Variants in MCHR1 observed in about 807,000 individuals in gnomAD.
MCHR1 encodes melanin concentrating hormone receptor 1.
In MCHR1, 13 loss-of-function variants were observed where a neutral mutation model predicts 20.4. The observed-to-expected ratio is 0.64, with a 90% CI of 0.41 to 1.01. The LOEUF is 1.01. MCHR1 is among the 50% of genes least tolerant of loss of function. MCHR1 has a pLI of 0.00. For missense variants in MCHR1, 472 were observed against 477.0 expected (o/e 0.99, Z 0.10); for synonymous variants, 215 against 204.4 (o/e 1.05, Z -0.44).
chr22:40,679,850 G>A (rs2056870266), intron 1 of MCHR1, 116 bp downstream of exon 1: 1 of 1,224,876 alleles, frequency 8.2e-7, no homozygotes, highest in South Asian at 1.2e-5. Context: ...CAAGATCTGT[G>A]GTCTGCTTTG....
chr22:40,681,456 G>A lies in MCHR1; in HGVS notation c.590G>A (p.Arg197His), dbSNP rs200735876. 2.6e-5 allele frequency: 42 copies of A among 1,613,134 alleles called. No individual in the cohort carries two copies. Among genetic ancestry groups the A allele is most frequent in the Admixed American group, 8.3e-5 (5 of 60,002 alleles). Residue 197 changes from arginine (R) to histidine (H), a missense_variant, in exon 2 of 2, where the codon CGC becomes CAC. Arg to His is a conservative substitution (Grantham distance 29). Transcript: ENST00000249016. The surrounding 1 kb of genome is among the most constrained non-coding windows in gnomAD (Gnocchi z 4.3). ...FPGGAVGCGI[R>H]LPNPDTDLYW... ...GGAGGTGCAGTGGGCTGCGGCATACGCCTGCCCAACCCAGACACTGACCTC... is the reference window on the plus strand; with the variant it reads ...GGAGGTGCAGTGGGCTGCGGCATACACCTGCCCAACCCAGACACTGACCTC...
rs748382761 is a variant in MCHR1, at chr22:40,680,572, G to GCA, written c.83-358_83-357dup. 5.8e-3 allele frequency among the ~76,000 whole-genome samples: 659 copies of GCA among 112,908 alleles called. 1 individual carries two copies. The highest frequency in any genetic ancestry group is 0.011 in the African/African-American group (407 of 38,236). 74.1% of individuals were successfully genotyped at this position (112,908 alleles called of 152,430 possible). ...TCAGGGCTACACATAGGAAAAGCACGCACACACACACACACACACATACAC... is the reference window on the plus strand; with the variant it reads ...TCAGGGCTACACATAGGAAAAGCACGCACACACACACACACACACACATACAC... On this transcript the variant is annotated intron_variant, in intron 1 of 1. Transcript: ENST00000249016.
Position 40,682,229 on chromosome 22 carries a change from G to A in MCHR1, c.*301G>A. On this transcript the variant is annotated 3_prime_UTR_variant, in exon 2 of 2. Transcript: ENST00000249016. ...ATAACCGGTTGCACTATATCTGTGAGCTCTCAAATGTCTTCTTCCCAAGGC... is the reference window on the plus strand; with the variant it reads ...ATAACCGGTTGCACTATATCTGTGAACTCTCAAATGTCTTCTTCCCAAGGC... The A allele has an allele frequency of 2.3e-6, 1 of 438,940 alleles. No individual in the cohort carries two copies. The highest frequency in any genetic ancestry group is 2.2e-5 in the South Asian group (1 of 45,270). 27.2% of individuals were successfully genotyped at this position (438,940 alleles called of 1,614,324 possible).
At position 40,682,529 on chromosome 22, in the gene MCHR1, A is replaced by G. The variant is rs9611386; in HGVS notation, c.*601A>G. 15,264 of 158,318 alleles carry G rather than the reference A, an allele frequency of 0.096. 1,091 individuals carry two copies. Among genetic ancestry groups the G allele is most frequent in the African/African-American group, 0.2 (8,200 of 41,486 alleles). 9.8% of individuals were successfully genotyped at this position (158,318 alleles called of 1,614,324 possible). ...GGGGATGTGGCACTGAGCCCACAGG[A>G]GTAAAAGCCCAGTTTGCTAGGAGGT... On this transcript the variant is annotated 3_prime_UTR_variant, in exon 2 of 2. Transcript: ENST00000249016.
In MCHR1 at chr22:40,682,186, G is replaced by A. The variant is rs1046827999; in HGVS notation, c.*258G>A. ...TTTGGATAGAACAGAAGCTGAGCAA[G>A]AGAACATGTTGGTTTGGATAACCGG... On this transcript the variant is annotated 3_prime_UTR_variant, in exon 2 of 2. Coordinates refer to ENST00000249016, the MANE Select transcript of MCHR1 (RefSeq NM_005297.4). 1.8e-6 allele frequency: 1 copy of A among 549,504 alleles called. No individual in the cohort carries two copies. The highest frequency in any genetic ancestry group is 1.9e-5 in the African/African-American group (1 of 52,944). The allele number at this position is 549,504 out of a possible 1,614,324, so 34.0% of individuals were successfully genotyped here.
At chr22:40,679,835 GGGGA>G in intron 1 of MCHR1, 101 bp downstream of exon 1, 2 of 1,343,224 alleles carry the variant, frequency 1.5e-6, no homozygotes, top group Non-Finnish European at 2.1e-6. Context: ...CACAGTTCTT[GGGGA>G]CAAGATCTGT....
rs137903389 is a variant in MCHR1 at position 40,681,544 on chromosome 22, C to T, written c.678C>T (p.Ala226=). The change falls in exon 2 of 2, where the codon GCC becomes GCT. Residue 226 remains alanine (A), a synonymous_variant. Coordinates refer to ENST00000249016, the MANE Select transcript of MCHR1 (RefSeq NM_005297.4). This position sits in a 1 kb window ranked among gnomAD's most constrained non-coding sequence, Gnocchi z 4.3. The part of the protein sequence containing the change: ...AFALPFVVIT[A]AYVRILQRMT... ...CCCTGCCTTTTGTGGTCATCACAGC[C>T]GCATACGTGAGGATCCTGCAGCGCA... The T allele has an allele frequency of 1.1e-3, 1,745 of 1,612,982 alleles. 14 individuals carry two copies. In the African/African-American group the frequency reaches 0.013, roughly 12 times the overall value.
Position 40,681,132 on chromosome 22 carries a change from A to T in MCHR1, c.266A>T (p.Asp89Val), listed in dbSNP as rs1172615289. 1.2e-6 allele frequency: 2 copies of T among 1,613,218 alleles called. No homozygotes were observed. The highest frequency in any genetic ancestry group is 3.3e-5 in the Admixed American group (2 of 59,932). Residue 89 changes from aspartate (D) to valine (V), a missense_variant, in exon 2 of 2, where the codon GAT (aspartate) becomes GTT (valine). Coordinates refer to ENST00000249016, the MANE Select transcript of MCHR1 (RefSeq NM_005297.4). The surrounding 1 kb of genome is among the most constrained non-coding windows in gnomAD (Gnocchi z 4.3). ...DIFIINLSVVDLLFLLGMPFM... is the reference protein window; with the variant it reads ...DIFIINLSVVVLLFLLGMPFM... ...TTCATCATCAACCTCTCGGTAGTAG[A>T]TCTCCTCTTTCTCCTGGGCATGCCC...
Position 40,681,995 on chromosome 22 carries a change from G to A in MCHR1, c.*67G>A. The A allele has an allele frequency of 6.3e-7, 1 of 1,592,160 alleles. No homozygotes were observed. Among genetic ancestry groups the A allele is most frequent in the South Asian group, 1.1e-5 (1 of 90,236 alleles). Reference sequence around the variant, plus strand: ...ACAACACGCCACCGGGAGAGATGCTGAGAAAAACCCAAGACCGCTCGGGAA... The same window carrying A: ...ACAACACGCCACCGGGAGAGATGCTAAGAAAAACCCAAGACCGCTCGGGAA... On this transcript the variant is annotated 3_prime_UTR_variant, in exon 2 of 2. Coordinates refer to ENST00000249016, the MANE Select transcript of MCHR1 (RefSeq NM_005297.4). This position sits in a 1 kb window ranked among gnomAD's most constrained non-coding sequence, Gnocchi z 4.3.
At position 40,681,891 on chromosome 22, in the gene MCHR1, C is replaced by A. The variant is rs149604804; in HGVS notation, c.1025C>A (p.Thr342Lys). The change falls in exon 2 of 2, where the codon ACG (threonine) becomes AAG (lysine). Residue 342 changes from threonine (T) to lysine (K), a missense_variant. Thr to Lys is a moderately conservative substitution (Grantham distance 78). Transcript: ENST00000249016. The surrounding 1 kb of genome is among the most constrained non-coding windows in gnomAD (Gnocchi z 4.3). The part of the protein sequence containing the change: ...GQLRAVSNAQ[T>K]ADEERTESKG... ...CTTCGCGCTGTCAGCAACGCTCAGA[C>A]GGCTGACGAGGAGAGGACAGAAAGC... 5 of 1,612,220 alleles carry A rather than the reference C, an allele frequency of 3.1e-6. No homozygotes were observed. The highest frequency in any genetic ancestry group is 4.2e-6 in the Non-Finnish European group (5 of 1,180,032).
In MCHR1 at chr22:40,681,215, A is replaced by G. The variant is rs1569374269; in HGVS notation, c.349A>G (p.Thr117Ala). The change falls in exon 2 of 2, where the codon ACC (threonine) becomes GCC (alanine). Residue 117 changes from threonine to alanine, a missense_variant. Coordinates refer to ENST00000249016, the MANE Select transcript of MCHR1 (RefSeq NM_005297.4). This position sits in a 1 kb window ranked among gnomAD's most constrained non-coding sequence, Gnocchi z 4.3. ...GTGGCACTTTGGGGAGACCATGTGC[A>G]CCCTCATCACGGCCATGGATGCCAA... ...GVWHFGETMC[T>A]LITAMDANSQ... 6.2e-7 allele frequency: 1 copy of G among 1,614,036 alleles called. No homozygotes were observed. The highest frequency in any genetic ancestry group is 8.5e-7 in the Non-Finnish European group (1 of 1,180,010).
rs2056885641 is a variant in MCHR1 at position 40,682,290 on chromosome 22, G to T, written c.*362G>T. ...AGGGTACTGACTGGGTTTGTTTAAAGTCAGGCAGGGCTGGAGTGAGCAGCC... is the reference window on the plus strand; with the variant it reads ...AGGGTACTGACTGGGTTTGTTTAAATTCAGGCAGGGCTGGAGTGAGCAGCC... On this transcript the variant is annotated 3_prime_UTR_variant, in exon 2 of 2. Coordinates refer to ENST00000249016, the MANE Select transcript of MCHR1 (RefSeq NM_005297.4). 3.0e-6 allele frequency: 1 copy of T among 330,354 alleles called. No individual in the cohort carries two copies. The highest frequency in any genetic ancestry group is 5.9e-6 in the Non-Finnish European group (1 of 169,072). The allele number at this position is 330,354 out of a possible 1,614,324, so 20.5% of individuals were successfully genotyped here. A position where few individuals can be genotyped will look rare whatever the true frequency, so the allele number is the denominator to read the frequency against.
Position 40,679,640 on chromosome 22 carries a change from C to A in MCHR1, c.-13C>A. The A allele has an allele frequency of 6.2e-7, 1 of 1,614,082 alleles. No individual in the cohort carries two copies. The highest frequency in any genetic ancestry group is 8.5e-7 in the Non-Finnish European group (1 of 1,180,012). On this transcript the variant is annotated 5_prime_UTR_variant, in exon 1 of 2. Transcript: ENST00000249016. ...CAGCTCGGTTGTGGGAGCAGGCGAC[C>A]GGCACTGGCTGGATGGACCTGGAAG...
intron 1 of MCHR1, among the ~76,000 whole-genome samples, chr22:40,680,589 C>T (rs986129738): frequency 8.5e-6 from 1 of 117,562 alleles, no homozygotes; most frequent in Non-Finnish European, 2.0e-5. Flanking sequence ...CACACACACA[C>T]ACATACACAG....
Position 40,681,105 on chromosome 22 carries a change from T to A in MCHR1, c.239T>A (p.Ile80Asn), listed in dbSNP as rs762273865. Residue 80 changes from isoleucine to asparagine, a missense_variant, in exon 2 of 2, where the codon ATC becomes AAC. Ile to Asn is a moderately radical substitution (Grantham distance 149). Coordinates refer to ENST00000249016, the MANE Select transcript of MCHR1 (RefSeq NM_005297.4). This position sits in a 1 kb window ranked among gnomAD's most constrained non-coding sequence, Gnocchi z 4.3. ...CACTGGTGCAACAACGTCCCCGACA[T>A]CTTCATCATCAACCTCTCGGTAGTA... ...KLHWCNNVPD[I>N]FIINLSVVDL... The A allele has an allele frequency of 6.2e-7, 1 of 1,614,110 alleles. No homozygotes were observed. Among genetic ancestry groups the A allele is most frequent in the South Asian group, 1.1e-5 (1 of 91,068 alleles).
chr22:40,680,572 G>A (rs1569373930), intron 1 of MCHR1, among the ~76,000 whole-genome samples: 1 of 112,816 alleles, frequency 8.9e-6, no homozygotes. Flanking sequence ...GGAAAAGCAC[G>A]CACACACACA....
chr22:40,680,976 C>G lies in MCHR1; in HGVS notation c.110C>G (p.Ser37Cys), dbSNP rs752822536. 1.9e-6 allele frequency: 3 copies of G among 1,614,038 alleles called. No homozygotes were observed. The highest frequency in any genetic ancestry group is 1.3e-5 in the African/African-American group (1 of 74,912). Residue 37 changes from serine to cysteine, a missense_variant, in exon 2 of 2, where the codon TCC becomes TGC. Transcript: ENST00000249016. ...AGSPPRTGSI[S>C]YINIIMPSVF... is the part of the protein sequence containing the mutation. ...TCACCTCCTCGCACGGGGAGCATCT[C>G]CTACATCAACATCATCATGCCTTCG... is the stretch of plus-strand genomic sequence containing the variant.
At chr22:40,680,157 C>A in intron 1 of MCHR1, 1 of 275,288 alleles carries the variant, frequency 3.6e-6, no homozygotes, top group Non-Finnish European at 7.1e-6. Flanking sequence ...CTTACTGCCA[C>A]CTGGGAGAGG....
rs750137221 is a variant in MCHR1 at position 40,679,497 on chromosome 22, G to C, written c.-156G>C. ...AGTGGGGAGGGCAGTTGGGCTTGGA[G>C]GCGGCAGCGGCTGCCAGGCTACGGA... On this transcript the variant is annotated 5_prime_UTR_variant, in exon 1 of 2. Coordinates refer to ENST00000249016, the MANE Select transcript of MCHR1 (RefSeq NM_005297.4). 2 of 1,614,148 alleles carry C rather than the reference G, an allele frequency of 1.2e-6. No homozygotes were observed. The highest frequency in any genetic ancestry group is 1.7e-6 in the Non-Finnish European group (2 of 1,180,024).
Sources: gnomAD v4.1 joint callset for allele counts (sites outside exome capture counted in the v4.1 genomes callset) on GRCh38, gnomAD v4.1.1 for gene constraint, Gnocchi (gnomAD v3.1) non-coding constraint, MANE v1.5 for transcripts, NCBI Gene and HGNC (gene_info 2026-07-23, HGNC 2026-07-21) for gene names.